Variants in MARCHF7 observed in about 807,000 individuals in gnomAD.
MARCHF7 encodes the protein E3 ubiquitin-protein ligase MARCHF7.
A neutral mutation model predicts 76.5 loss-of-function variants in MARCHF7; 20 were observed. That is an observed-to-expected ratio of 0.26 (90% CI 0.18 to 0.38). The LOEUF is 0.38. Ranked by LOEUF, MARCHF7 falls within the 10% of genes least tolerant of loss-of-function variation. The pLI is 1.00. For missense variants in MARCHF7, 797 were observed against 812.9 expected (o/e 0.98, Z 0.24); for synonymous variants, 295 against 293.0 (o/e 1.01, Z -0.07).
chr2:159,758,116 G>C (rs1706562370), intron 8 of MARCHF7, among the ~76,000 whole-genome samples: 1 of 152,104 alleles, frequency 6.6e-6, no homozygotes, highest in Non-Finnish European at 1.5e-5. Context: ...CTCAACAAAT[G>C]TTAGTTGAAT....
intron 4 of MARCHF7, chr2:159,732,703 A>C (rs1702967131): frequency 3.4e-6 from 1 of 297,796 alleles, no homozygotes; most frequent in South Asian, 1.4e-4. Flanking sequence ...TTTTTTAAAA[A>C]ATTTTTCTTA....
intron 4 of MARCHF7, among the ~76,000 whole-genome samples, chr2:159,734,817 G>GAAAAA (rs760907513): frequency 1.8e-5 from 1 of 55,278 alleles, no homozygotes; most frequent in Non-Finnish European, 4.3e-5. Flanking sequence ...AAAATAAAAT[G>GAAAAA]AAAAAAAAAA....
intron 7 of MARCHF7, among the ~76,000 whole-genome samples, chr2:159,749,738 G>C (rs968381724): frequency 2.7e-5 from 3 of 113,008 alleles, no homozygotes; most frequent in Admixed American, 8.3e-5. Context: ...TGGTTGGGGC[G>C]GGGGGGGCGG....
intron 9 of MARCHF7, among the ~76,000 whole-genome samples, chr2:159,761,402 A>ATTTTTTT (rs1437341788): frequency 1.5e-5 from 1 of 68,458 alleles, no homozygotes; most frequent in Non-Finnish European, 3.0e-5. Context: ...TAAGTGAATC[A>ATTTTTTT]TTTCTTTTTT....
chr2:159,741,785 A>T (rs1422581993), intron 4 of MARCHF7, among the ~76,000 whole-genome samples: 1 of 152,208 alleles, frequency 6.6e-6, no homozygotes, highest in Non-Finnish European at 1.5e-5. Context: ...TCATGGTAAC[A>T]TGCTTTAAAA....
At chr2:159,723,053 A>T (rs1474890066) in intron 3 of MARCHF7, among the ~76,000 whole-genome samples, 1 of 152,222 alleles carries the variant, frequency 6.6e-6, no homozygotes, top group African/African-American at 2.4e-5. Flanking sequence ...TTTCCCAAAA[A>T]TCCTCTGATT....
In MARCHF7 at chr2:159,770,457, G is replaced by C. The variant is rs777045582; in HGVS notation, c.*3115G>C. ...TTTCGATTCATGTGGTCAATAAAAA[G>C]AGACTACACAAGCTGGAACTTTGTT... is the stretch of plus-strand genomic sequence containing the variant. On this transcript the variant is annotated 3_prime_UTR_variant, in exon 12 of 12. Coordinates refer to ENST00000409175, the MANE Select transcript of MARCHF7 (RefSeq NM_001282805.2). 6.6e-6 allele frequency: 1 copy of C among 152,044 alleles called. No individual in the cohort carries two copies. The highest frequency in any genetic ancestry group is 1.5e-5 in the Non-Finnish European group (1 of 67,984). 9.4% of individuals were successfully genotyped at this position (152,044 alleles called of 1,614,324 possible).
In MARCHF7 at chr2:159,745,942, G is replaced by A. The variant is rs921700877; in HGVS notation, c.514+5G>A. The A allele has an allele frequency of 6.2e-7, 1 of 1,602,354 alleles. No individual in the cohort carries two copies. Among genetic ancestry groups the A allele is most frequent in the Non-Finnish European group, 8.5e-7 (1 of 1,174,784 alleles). On this transcript the variant is annotated splice_donor_5th_base_variant and intron_variant, in intron 6 of 11. Coordinates refer to ENST00000409175, the MANE Select transcript of MARCHF7 (RefSeq NM_001282805.2). ...GTGATTTCACAACTTCATCATGTAT[G>A]TATAAATTACATCAAGTATAACTTC...
chr2:159,720,421 T>C (rs1245867946), intron 3 of MARCHF7, among the ~76,000 whole-genome samples: 1 of 152,214 alleles, frequency 6.6e-6, no homozygotes, highest in Admixed American at 6.5e-5. Context: ...ATGGCTATTG[T>C]ATATTTGTTA....
At chr2:159,767,083 G>C (rs1319176776) in intron 11 of MARCHF7, among the ~76,000 whole-genome samples, 1 of 152,072 alleles carries the variant, frequency 6.6e-6, no homozygotes, top group Non-Finnish European at 1.5e-5. Flanking sequence ...AAAACGGTGT[G>C]GGGGCGGGGA....
intron 4 of MARCHF7, chr2:159,733,859 C>G (rs1360402440): frequency 8.4e-7 from 1 of 1,192,266 alleles, no homozygotes; most frequent in Non-Finnish European, 1.0e-6. Flanking sequence ...ATGTAATATA[C>G]TTGAGCTTAA....
In MARCHF7 at chr2:159,769,872, G is replaced by C. The variant is rs975269331; in HGVS notation, c.*2530G>C. ...TCCTATAATGAAAATGTTCTATAAT[G>C]TATGTTGCCCAGTACAGTAGCCACT... On this transcript the variant is annotated 3_prime_UTR_variant, in exon 12 of 12. Coordinates refer to ENST00000409175, the MANE Select transcript of MARCHF7 (RefSeq NM_001282805.2). The C allele has an allele frequency of 2.0e-5, 3 of 152,170 alleles. No individual in the cohort carries two copies. Among genetic ancestry groups the C allele is most frequent in the Non-Finnish European group, 2.9e-5 (2 of 68,018 alleles). 9.4% of individuals were successfully genotyped at this position (152,170 alleles called of 1,614,324 possible).
At chr2:159,760,708 C>CTTTTTT (rs34933843) in intron 9 of MARCHF7, among the ~76,000 whole-genome samples, 4 of 147,438 alleles carry the variant, frequency 2.7e-5, no homozygotes, top group Admixed American at 6.8e-5. Flanking sequence ...CAGTTTTTTC[C>CTTTTTT]TTTTTTGTTT....
intron 3 of MARCHF7, among the ~76,000 whole-genome samples, chr2:159,722,649 C>A (rs1057125353): frequency 6.6e-6 from 1 of 152,226 alleles, no homozygotes; most frequent in Non-Finnish European, 1.5e-5. Flanking sequence ...GAAAAGATGT[C>A]TCTTAGAACC....
In MARCHF7 at chr2:159,747,919, A is replaced by AGAT; in HGVS notation, c.631_632insTGA (p.Gln210_Thr211insMet). ...AACCACCAATTGCCTTCTGAACATCAGACCATACTAAGTTCTAGGGACTCC... is the reference window on the plus strand; with the variant it reads ...AACCACCAATTGCCTTCTGAACATCAGATGACCATACTAAGTTCTAGGGACTCC... On this transcript the variant is annotated inframe_insertion, in exon 7 of 12. Transcript: ENST00000409175. 1 of 1,614,178 alleles carries AGAT rather than the reference A, an allele frequency of 6.2e-7. No homozygotes were observed. Among genetic ancestry groups the AGAT allele is most frequent in the Non-Finnish European group, 8.5e-7 (1 of 1,180,026 alleles).
At chr2:159,733,178 C>G in intron 4 of MARCHF7, 1 of 777,352 alleles carries the variant, frequency 1.3e-6, no homozygotes, top group Non-Finnish European at 1.6e-6. Flanking sequence ...TATTAAATTA[C>G]ATATAGTATG....
chr2:159,735,288 GATTTTTA>G (rs1226432676), intron 4 of MARCHF7, among the ~76,000 whole-genome samples: 1 of 152,196 alleles, frequency 6.6e-6, no homozygotes, highest in Non-Finnish European at 1.5e-5. Context: ...TGCATTACAT[GATTTTTA>G]ATTAATCATT....
At chr2:159,762,668 CTAAA>C (rs1707250274) in intron 9 of MARCHF7, among the ~76,000 whole-genome samples, 1 of 152,032 alleles carries the variant, frequency 6.6e-6, no homozygotes, top group Non-Finnish European at 1.5e-5. Flanking sequence ...AGTCATTACA[CTAAA>C]GAAGACTATG....
At chr2:159,718,111 G>T (rs2125284284) in intron 3 of MARCHF7, among the ~76,000 whole-genome samples, 1 of 152,278 alleles carries the variant, frequency 6.6e-6, no homozygotes, top group Admixed American at 6.5e-5. Flanking sequence ...CTGTGAAGTT[G>T]ATACTATCAT....
Sources: allele counts gnomAD v4.1 joint callset (sites outside exome capture counted in the v4.1 genomes callset), GRCh38; gene constraint gnomAD v4.1.1; transcripts MANE v1.5; gene names NCBI Gene and HGNC (gene_info 2026-07-23, HGNC 2026-07-21).